The following SLC66A3 variants were observed in gnomAD, a reference collection of about 807,000 sequenced individuals.
The protein encoded by SLC66A3 is solute carrier family 66 member 3.
A neutral mutation model predicts 25.5 loss-of-function variants in SLC66A3; 23 were observed. The observed-to-expected ratio is 0.90, with a 90% CI of 0.65 to 1.28. SLC66A3 has a LOEUF of 1.28. Among genes scored for constraint, SLC66A3 ranks in the 50% most tolerant of loss-of-function variants. SLC66A3 has a pLI of 0.00. For synonymous variants in SLC66A3, 108 were observed against 112.6 expected (o/e 0.96, Z 0.26); for missense variants, 246 against 262.1 (o/e 0.94, Z 0.42).
chr2:11,168,121 A>G (rs909790028), intron 4 of SLC66A3, among the ~76,000 whole-genome samples: 2 of 151,972 alleles, frequency 1.3e-5, no homozygotes, highest in Admixed American at 6.6e-5. Flanking sequence ...TCTACTAAAA[A>G]TATATAAAAA....
intron 1 of SLC66A3, among the ~76,000 whole-genome samples, chr2:11,157,421 A>C (rs1385373785): frequency 6.6e-6 from 1 of 152,250 alleles, no homozygotes; most frequent in African/African-American, 2.4e-5. Flanking sequence ...AGACTTCTGT[A>C]AAATGGGCTT....
intron 4 of SLC66A3, among the ~76,000 whole-genome samples, chr2:11,167,079 A>G (rs958757993): frequency 4.6e-5 from 7 of 152,174 alleles, no homozygotes; most frequent in Admixed American, 3.9e-4. Context: ...TTCTAGTTCT[A>G]TTAGCCCCCA....
chr2:11,171,793 C>T lies in SLC66A3; in HGVS notation c.355-132C>T, dbSNP rs545559982. ...CCGTGCTAGCCAGGATGGTCTCGAT[C>T]TCCTGACCTCATGATCTGCCTGCCT... On this transcript the variant is annotated intron_variant, in intron 4 of 6. Coordinates refer to ENST00000295083, the MANE Select transcript of SLC66A3 (RefSeq NM_152391.5). The T allele has an allele frequency of 7.2e-6, 6 of 830,892 alleles. No homozygotes were observed. In the South Asian group the frequency reaches 9.1e-5, roughly 13 times the overall value. 51.5% of individuals were successfully genotyped at this position (830,892 alleles called of 1,614,324 possible). A position where few individuals can be genotyped will look rare whatever the true frequency, so the allele number is the denominator to read the frequency against.
chr2:11,174,377 G>A (rs1662659022), intron 5 of SLC66A3, among the ~76,000 whole-genome samples: 1 of 152,218 alleles, frequency 6.6e-6, no homozygotes, highest in Admixed American at 6.5e-5. Context: ...GACAGTGGAA[G>A]GGAGCTCAGT....
rs1384070743 is a variant in SLC66A3 at position 11,178,139 on chromosome 2, A to G, written c.*311A>G. The G allele has an allele frequency of 4.7e-6, 1 of 211,190 alleles. No individual in the cohort carries two copies. The highest frequency in any genetic ancestry group is 1.1e-4 in the East Asian group (1 of 9,266). The allele number at this position is 211,190 out of a possible 1,614,324, so 13.1% of individuals were successfully genotyped here. A position where few individuals can be genotyped will look rare whatever the true frequency, so the allele number is the denominator to read the frequency against. On this transcript the variant is annotated 3_prime_UTR_variant, in exon 7 of 7. Transcript: ENST00000295083. ...TTTGAGCCTTACTCTTAAGTTCTCT[A>G]TGAAGAACTACATTGATTTGTTGGC...
intron 6 of SLC66A3, among the ~76,000 whole-genome samples, chr2:11,176,131 A>C (rs1662730375): frequency 6.6e-6 from 1 of 152,226 alleles, no homozygotes; most frequent in Non-Finnish European, 1.5e-5. Flanking sequence ...AGAAATTAAA[A>C]GATCAAGATT....
chr2:11,167,863 T>C (rs769381944), intron 4 of SLC66A3, among the ~76,000 whole-genome samples: 41 of 152,230 alleles, frequency 2.7e-4, no homozygotes, highest in Non-Finnish European at 2.2e-4. Context: ...GTTCCATTTT[T>C]TTGGCTTTCA....
chr2:11,175,502 G>A (rs1337364050), intron 6 of SLC66A3, among the ~76,000 whole-genome samples: 1 of 152,202 alleles, frequency 6.6e-6, no homozygotes, highest in Non-Finnish European at 1.5e-5. Context: ...AAGGACAAAG[G>A]GCTAGAGTGC....
At chr2:11,159,244 C>A (rs778079421) in intron 1 of SLC66A3, among the ~76,000 whole-genome samples, 30 of 152,190 alleles carry the variant, frequency 2.0e-4, no homozygotes, top group Non-Finnish European at 4.1e-4. Context: ...TGCAGCCTCC[C>A]CCTCTGCCAG....
At position 11,177,868 on chromosome 2, in the gene SLC66A3, T is replaced by A; in HGVS notation, c.*40T>A. Reference sequence around the variant, plus strand: ...CTTCACACAGTGGATTTTGAGTAACTGAACCAAAGGAAAAAGAAGCTCTTT... The same window carrying A: ...CTTCACACAGTGGATTTTGAGTAACAGAACCAAAGGAAAAAGAAGCTCTTT... On this transcript the variant is annotated 3_prime_UTR_variant, in exon 7 of 7. Coordinates refer to ENST00000295083, the MANE Select transcript of SLC66A3 (RefSeq NM_152391.5). The A allele has an allele frequency of 8.4e-7, 1 of 1,196,270 alleles. No homozygotes were observed. The highest frequency in any genetic ancestry group is 1.2e-6 in the Non-Finnish European group (1 of 824,284). The allele number at this position is 1,196,270 out of a possible 1,614,324, so 74.1% of individuals were successfully genotyped here.
rs1662223095 is a variant in SLC66A3, at chr2:11,164,187, C to T, written c.297-17C>T. ...GATGTGGGTGACCCACTGCTGTGTC[C>T]CTTAGCACTTGGTAAGATTGGTGTC... On this transcript the variant is annotated splice_polypyrimidine_tract_variant and intron_variant, in intron 3 of 6. Transcript: ENST00000295083. The T allele has an allele frequency of 1.3e-6, 2 of 1,552,870 alleles. No individual in the cohort carries two copies. Among genetic ancestry groups the T allele is most frequent in the African/African-American group, 1.4e-5 (1 of 72,356 alleles).
intron 3 of SLC66A3, among the ~76,000 whole-genome samples, chr2:11,163,348 G>T (rs934303602): frequency 1.3e-5 from 2 of 152,126 alleles, no homozygotes; most frequent in East Asian, 3.8e-4. Context: ...ACAAAAATTA[G>T]ATTTAAAAAT....
At chr2:11,158,291 G>A (rs776583207) in intron 1 of SLC66A3, among the ~76,000 whole-genome samples, 5 of 152,228 alleles carry the variant, frequency 3.3e-5, no homozygotes, top group Non-Finnish European at 2.9e-5. Flanking sequence ...GCCGAGGCGG[G>A]CAGATAACCT....
chr2:11,161,125 G>T (rs996152180), intron 3 of SLC66A3, among the ~76,000 whole-genome samples: 18 of 152,198 alleles, frequency 1.2e-4, no homozygotes, highest in Non-Finnish European at 2.1e-4. Context: ...CCAGAGGCTT[G>T]CAGTGGGAGC....
At chr2:11,160,868 A>C in intron 3 of SLC66A3, 174 bp downstream of exon 3, 1 of 1,076,604 alleles carries the variant, frequency 9.3e-7, no homozygotes, top group Non-Finnish European at 1.3e-6. Context: ...CCCTCAGTAC[A>C]GCCCCTGCTG....
rs751417771 is a variant in SLC66A3, at chr2:11,160,541, C to T, written c.219C>T (p.Ile73=). The change falls in exon 2 of 7, where the codon ATC becomes ATT. Residue 73 remains isoleucine, a synonymous_variant. Transcript: ENST00000295083. ...PLTYLEYPIL[I]AQDVILLLCI... Reference sequence around the variant, plus strand: ...CCTACCTGGAGTACCCCATCCTCATCGCGCAAGGTAACAGCCCCTTCCCTG... The same window carrying T: ...CCTACCTGGAGTACCCCATCCTCATTGCGCAAGGTAACAGCCCCTTCCCTG... 3.7e-6 allele frequency: 6 copies of T among 1,614,062 alleles called. No homozygotes were observed. Among genetic ancestry groups the T allele is most frequent in the East Asian group, 2.2e-5 (1 of 44,890 alleles).
intron 6 of SLC66A3, among the ~76,000 whole-genome samples, chr2:11,176,359 G>GC: frequency 6.6e-6 from 1 of 151,732 alleles, no homozygotes; most frequent in East Asian, 1.9e-4. Context: ...GGGATTACAG[G>GC]CATGCGCTAC....
At position 11,160,511 on chromosome 2, in the gene SLC66A3, G is replaced by T; in HGVS notation, c.189G>T (p.Pro63=). 1 of 1,614,074 alleles carries T rather than the reference G, an allele frequency of 6.2e-7. No individual in the cohort carries two copies. The highest frequency in any genetic ancestry group is 8.5e-7 in the Non-Finnish European group (1 of 1,180,016). The change falls in exon 2 of 7, where the codon CCG becomes CCT. Residue 63 remains proline (P), a synonymous_variant. Coordinates refer to ENST00000295083, the MANE Select transcript of SLC66A3 (RefSeq NM_152391.5). ...ACCAGTGTTACTATGGGTATCCGCC[G>T]CTGACCTACCTGGAGTACCCCATCC... ...LRYQCYYGYP[P]LTYLEYPILI... is the part of the protein sequence containing the mutation.
rs773457658 is a variant in SLC66A3, at chr2:11,175,057, T to G, written c.517+48T>G. On this transcript the variant is annotated intron_variant, in intron 6 of 6. Coordinates refer to ENST00000295083, the MANE Select transcript of SLC66A3 (RefSeq NM_152391.5). ...TCCTTTTTGAGTTTTGTGCTATTTG[T>G]GTCTCCTTCATTTGTAAACTGTCTT... is the stretch of plus-strand genomic sequence containing the variant. 2.8e-6 allele frequency: 4 copies of G among 1,415,122 alleles called. No homozygotes were observed. The South Asian group carries it at 4.9e-5, about 17-fold the overall frequency. 87.7% of individuals were successfully genotyped at this position (1,415,122 alleles called of 1,614,324 possible).
Sources: allele counts gnomAD v4.1 joint callset (sites outside exome capture counted in the v4.1 genomes callset), GRCh38; gene constraint gnomAD v4.1.1; transcripts MANE v1.5; gene names NCBI Gene and HGNC (gene_info 2026-07-23, HGNC 2026-07-21).